IL12RB2: variants seen among roughly 807,000 people sequenced by gnomAD.
The protein encoded by IL12RB2 is interleukin-12 receptor subunit beta-2.
A neutral mutation model predicts 89.4 loss-of-function variants in IL12RB2; 82 were observed. The ratio of observed to expected loss-of-function variants is 0.92; its 90% CI spans 0.77 to 1.10. IL12RB2 has a LOEUF of 1.10. IL12RB2 is among the 50% of genes least tolerant of loss of function. The pLI is 0.00. For missense variants in IL12RB2, 963 were observed against 1,031.9 expected (o/e 0.93, Z 0.92); for synonymous variants, 368 against 370.1 (o/e 0.99, Z 0.07).
intron 14 of IL12RB2, among the ~76,000 whole-genome samples, chr1:67,381,850 G>A (rs1470996949): frequency 6.6e-6 from 1 of 151,900 alleles, no homozygotes; most frequent in Non-Finnish European, 1.5e-5. Context: ...GGTGGGAGCG[G>A]TGGTACATGC....
chr1:67,363,785 G>A (rs893707351), intron 10 of IL12RB2, among the ~76,000 whole-genome samples: 1 of 152,192 alleles, frequency 6.6e-6, no homozygotes. Flanking sequence ...ATTGCAAATA[G>A]TAGAGCAAGA....
rs560605261 is a variant in IL12RB2, at chr1:67,320,989, G to A, written c.76+545G>A. Among the ~76,000 whole-genome samples the A allele has an allele frequency of 6.4e-5, 9 of 139,628 alleles. No homozygotes were observed. The East Asian group carries it at 6.6e-4, about 10-fold the overall frequency. The allele number at this position is 139,628 out of a possible 152,430, so 91.6% of individuals were successfully genotyped here. On this transcript the variant is annotated intron_variant, in intron 3 of 16. Transcript: ENST00000674203. ...CTCCCACTTAAGAGTGAGAACATCCGCTGTTTGGTTTTCTGTTCTTGTGTT... is the reference window on the plus strand; with the variant it reads ...CTCCCACTTAAGAGTGAGAACATCCACTGTTTGGTTTTCTGTTCTTGTGTT...
intron 2 of IL12RB2, among the ~76,000 whole-genome samples, chr1:67,315,974 A>G (rs1039281695): frequency 6.6e-6 from 1 of 152,224 alleles, no homozygotes; most frequent in South Asian, 2.1e-4. Context: ...TACTAATATA[A>G]CAAAAAATCC....
chr1:67,314,768 G>C (rs1655541523), intron 2 of IL12RB2, among the ~76,000 whole-genome samples: 1 of 152,170 alleles, frequency 6.6e-6, no homozygotes, highest in African/African-American at 2.4e-5. Context: ...AAAGAGGCTG[G>C]TCAGGGAGTA....
chr1:67,359,867 T>C (rs1661797040), intron 10 of IL12RB2, among the ~76,000 whole-genome samples: 1 of 151,938 alleles, frequency 6.6e-6, no homozygotes, highest in Non-Finnish European at 1.5e-5. Flanking sequence ...AGAAGTGAGG[T>C]TATATGGCAA....
chr1:67,311,651 A>G (rs1317561164), intron 1 of IL12RB2, among the ~76,000 whole-genome samples: 1 of 152,238 alleles, frequency 6.6e-6, no homozygotes, highest in Non-Finnish European at 1.5e-5. Context: ...TATGCAGGAA[A>G]AGCAACACAT....
At chr1:67,324,108 C>T (rs1444285364) in intron 4 of IL12RB2, among the ~76,000 whole-genome samples, 2 of 152,174 alleles carry the variant, frequency 1.3e-5, no homozygotes, top group Non-Finnish European at 2.9e-5. Flanking sequence ...CTATATGGCT[C>T]AGTCACGAGT....
intron 16 of IL12RB2, among the ~76,000 whole-genome samples, chr1:67,390,455 C>CTCT (rs1553129687): frequency 2.8e-5 from 3 of 107,524 alleles, no homozygotes; most frequent in Admixed American, 2.3e-4. Context: ...GCAAACTTTC[C>CTCT]TTTTTTTTTT....
chr1:67,350,784 A>C, intron 9 of IL12RB2, 86 bp from the exon 10 acceptor site: 1 of 1,575,744 alleles, frequency 6.3e-7, no homozygotes, highest in Non-Finnish European at 8.6e-7. Flanking sequence ...GTAGCTGCCT[A>C]GTACATCTGT....
chr1:67,340,425 T>C (rs1375220816), intron 9 of IL12RB2, among the ~76,000 whole-genome samples: 1 of 152,202 alleles, frequency 6.6e-6, no homozygotes, highest in Non-Finnish European at 1.5e-5. Flanking sequence ...AGGTTTCTCC[T>C]CCAAAAATGT....
intron 13 of IL12RB2, 97 bp downstream of exon 13, chr1:67,372,880 G>A (rs1570117165): frequency 1.2e-6 from 1 of 837,106 alleles, no homozygotes; most frequent in East Asian, 2.4e-5. Flanking sequence ...ACATGTGCTA[G>A]CGCAATGCCT....
At chr1:67,378,048 C>T (rs1367231467) in intron 13 of IL12RB2, among the ~76,000 whole-genome samples, 4 of 152,232 alleles carry the variant, frequency 2.6e-5, no homozygotes, top group Non-Finnish European at 5.9e-5. Flanking sequence ...ATTGCTTGAA[C>T]TCAGGTTGCA....
intron 4 of IL12RB2, among the ~76,000 whole-genome samples, chr1:67,324,439 C>G (rs1433839906): frequency 1.3e-5 from 2 of 152,114 alleles, no homozygotes; most frequent in Non-Finnish European, 2.9e-5. Flanking sequence ...CCAGACTGGT[C>G]TCTAATTCCT....
intron 10 of IL12RB2, among the ~76,000 whole-genome samples, chr1:67,366,289 C>T (rs4655705): frequency 0.97 from 147,710 of 151,862 alleles, 71,988 homozygotes; most frequent in Middle Eastern, 1. Flanking sequence ...TCGTCTCTAC[C>T]AAAAATACAA....
In IL12RB2 at chr1:67,329,671, G is replaced by C; in HGVS notation, c.749G>C (p.Gly250Ala). ...SRCTLYWRDEGLVLLNRLRYR... is the reference protein window; with the variant it reads ...SRCTLYWRDEALVLLNRLRYR... ...TGTACCCTTTATTGGAGAGATGAGG[G>C]ACTGGTACTGCTTAATCGACTCAGA... is the stretch of plus-strand genomic sequence containing the variant. Residue 250 changes from glycine (G) to alanine (A), a missense_variant, in exon 7 of 17, where the codon GGA becomes GCA. Transcript: ENST00000674203. The C allele has an allele frequency of 6.3e-7, 1 of 1,592,606 alleles. No individual in the cohort carries two copies. The highest frequency in any genetic ancestry group is 8.6e-7 in the Non-Finnish European group (1 of 1,160,380).
chr1:67,388,401 A>AGTG (rs1236527610), intron 15 of IL12RB2, among the ~76,000 whole-genome samples: 1 of 152,156 alleles, frequency 6.6e-6, no homozygotes. Context: ...GCTGGAGTGC[A>AGTG]GTGGCATGAT....
chr1:67,383,611 T>G (rs1024073049), intron 14 of IL12RB2, among the ~76,000 whole-genome samples: 1 of 152,070 alleles, frequency 6.6e-6, no homozygotes. Flanking sequence ...ATACACCCCT[T>G]CCAAATGGGA....
At chr1:67,358,397 G>A (rs1661627160) in intron 10 of IL12RB2, among the ~76,000 whole-genome samples, 1 of 152,004 alleles carries the variant, frequency 6.6e-6, no homozygotes, top group Admixed American at 6.6e-5. Flanking sequence ...CCAACCTGGT[G>A]AAACCCTGTC....
intron 14 of IL12RB2, among the ~76,000 whole-genome samples, chr1:67,384,507 C>T (rs1395074847): frequency 2.0e-5 from 3 of 152,230 alleles, no homozygotes; most frequent in Non-Finnish European, 4.4e-5. Context: ...AGGTTCCTAA[C>T]ATGCTCAGGA....
Sources: allele counts gnomAD v4.1 joint callset (sites outside exome capture counted in the v4.1 genomes callset), GRCh38; gene constraint gnomAD v4.1.1; transcripts MANE v1.5; gene names NCBI Gene and HGNC (gene_info 2026-07-23, HGNC 2026-07-21).